Variants in AHRR observed in about 807,000 individuals in gnomAD.
AHRR encodes aryl hydrocarbon receptor repressor.
AHRR carries 28 observed loss-of-function variants against 44.0 expected under a neutral mutation model. That is an observed-to-expected ratio of 0.64 (90% CI 0.47 to 0.87). The LOEUF (loss-of-function observed/expected upper bound fraction) is 0.87, where lower values mean the gene tolerates loss of function less well. Ranked by LOEUF, AHRR falls within the 40% of genes least tolerant of loss-of-function variation. The pLI is 0.00. For synonymous variants in AHRR, 434 were observed against 407.0 expected (o/e 1.07, Z -0.80); for missense variants, 990 against 953.9 (o/e 1.04, Z -0.50).
intron 3 of AHRR, among the ~76,000 whole-genome samples, chr5:361,140 T>C (rs141351025): frequency 0.013 from 2,032 of 152,200 alleles, 60 homozygotes; most frequent in African/African-American, 0.047. Flanking sequence ...TCACAGCTAC[T>C]TGGGAGGCTG....
intron 3 of AHRR, among the ~76,000 whole-genome samples, chr5:365,302 G>A (rs1743318968): frequency 6.6e-6 from 1 of 152,160 alleles, no homozygotes; most frequent in Non-Finnish European, 1.5e-5. Context: ...GAAGAATAAT[G>A]AGGTGGGACC....
At chr5:423,693 C>T (rs1371558694) in intron 6 of AHRR, 148 bp from the exon 7 acceptor site, 8 of 1,127,594 alleles carry the variant, frequency 7.1e-6, no homozygotes, top group Non-Finnish European at 8.5e-6. Context: ...ATTTGAGTGA[C>T]ATCTAGAGGG....
rs544141550 is a variant in AHRR, at chr5:437,062, C to T, written c.*2228C>T. The stretch of plus-strand genomic sequence containing the variant: ...ATGGAAAGACCCTTAATAATTAGGC[C>T]TGCAGGCCAGGCGCAGTGGCTCATG... On this transcript the variant is annotated 3_prime_UTR_variant, in exon 11 of 11. Transcript: ENST00000684583. The T allele has an allele frequency of 6.6e-6, 1 of 152,518 alleles. No homozygotes were observed. The highest frequency in any genetic ancestry group is 1.5e-5 in the Non-Finnish European group (1 of 68,076). The allele number at this position is 152,518 out of a possible 1,614,324, so 9.4% of individuals were successfully genotyped here. A position where few individuals can be genotyped will look rare whatever the true frequency, so the allele number is the denominator to read the frequency against.
intron 4 of AHRR, among the ~76,000 whole-genome samples, chr5:399,967 G>A (rs930077377): frequency 1.3e-5 from 2 of 152,232 alleles, no homozygotes; most frequent in Non-Finnish European, 2.9e-5. Context: ...GCGCTGCCTC[G>A]CACGCACGCA....
intron 3 of AHRR, among the ~76,000 whole-genome samples, chr5:375,901 A>G (rs183081114): frequency 1.3e-5 from 2 of 152,294 alleles, no homozygotes; most frequent in Admixed American, 1.3e-4. Context: ...TTCTGCACCC[A>G]AAAATGGAGA....
intron 4 of AHRR, among the ~76,000 whole-genome samples, chr5:401,470 A>G (rs766620028): frequency 2.0e-5 from 3 of 152,188 alleles, no homozygotes; most frequent in Non-Finnish European, 4.4e-5. Context: ...CCTGACCTCC[A>G]TTGGCGCCAG....
At chr5:324,109 G>C (rs1741617516) in intron 1 of AHRR, among the ~76,000 whole-genome samples, 1 of 151,030 alleles carries the variant, frequency 6.6e-6, no homozygotes, top group African/African-American at 2.5e-5. Context: ...ACCCAGGCTG[G>C]AGTGCAATGG....
chr5:360,869 A>G (rs1180887193), intron 3 of AHRR, among the ~76,000 whole-genome samples: 1 of 152,200 alleles, frequency 6.6e-6, no homozygotes, highest in East Asian at 1.9e-4. Context: ...GAAACGTCAG[A>G]GGAGAGAGAT....
At chr5:425,106 T>C (rs1379118253) in intron 7 of AHRR, among the ~76,000 whole-genome samples, 1 of 152,226 alleles carries the variant, frequency 6.6e-6, no homozygotes, top group Non-Finnish European at 1.5e-5. Flanking sequence ...GGCTCAGCTT[T>C]CCACCCATTT....
At chr5:422,417 G>A in intron 5 of AHRR, 1 of 402,042 alleles carries the variant, frequency 2.5e-6, no homozygotes, top group South Asian at 2.2e-5. Context: ...ACAGGAAAGT[G>A]GATGTCTTGG....
At chr5:356,470 C>T (rs563296954) in intron 3 of AHRR, among the ~76,000 whole-genome samples, 3 of 151,330 alleles carry the variant, frequency 2.0e-5, no homozygotes, top group Non-Finnish European at 3.0e-5. Context: ...TGAGGAAGAG[C>T]GCCCGCGAGT....
At chr5:336,663 A>T (rs116379361) in intron 1 of AHRR, among the ~76,000 whole-genome samples, 24,798 of 151,908 alleles carry the variant, frequency 0.16, 4,362 homozygotes, top group African/African-American at 0.45. Context: ...CAATTTATCA[A>T]TTTTTTTCTC....
At chr5:343,587 G>T (rs535325889) in intron 1 of AHRR, 151 of 397,228 alleles carry the variant, frequency 3.8e-4, no homozygotes, top group Middle Eastern at 1.4e-3. Flanking sequence ...TCCTCAGGAC[G>T]CCGGTCTCCC....
At chr5:343,082 C>T (rs546837506) in intron 1 of AHRR, among the ~76,000 whole-genome samples, 7 of 152,288 alleles carry the variant, frequency 4.6e-5, no homozygotes, top group Admixed American at 1.3e-4. Context: ...TGCCACAAAC[C>T]GCACAGGGAG....
chr5:350,564 C>T (rs541964492), intron 2 of AHRR, among the ~76,000 whole-genome samples: 36 of 152,264 alleles, frequency 2.4e-4, no homozygotes, highest in East Asian at 7.7e-4. Context: ...ATCTCTCTGG[C>T]GCCCCCATTC....
At chr5:382,969 A>G (rs1190082799) in intron 4 of AHRR, among the ~76,000 whole-genome samples, 3 of 152,010 alleles carry the variant, frequency 2.0e-5, no homozygotes, top group African/African-American at 7.2e-5. Flanking sequence ...CTCCGTTTTC[A>G]TTTTCATTTA....
intron 1 of AHRR, among the ~76,000 whole-genome samples, chr5:333,334 G>A (rs1275628339): frequency 6.6e-6 from 1 of 152,176 alleles, no homozygotes; most frequent in Non-Finnish European, 1.5e-5. Context: ...GGTAGCTTAC[G>A]CCTGTAATCC....
At chr5:329,661 A>AT (rs1741845477) in intron 1 of AHRR, among the ~76,000 whole-genome samples, 1 of 152,034 alleles carries the variant, frequency 6.6e-6, no homozygotes, top group African/African-American at 2.4e-5. Flanking sequence ...GTCATCTACA[A>AT]TTTTCTTTCA....
intron 2 of AHRR, among the ~76,000 whole-genome samples, chr5:345,442 GT>G (rs1742622800): frequency 1.7e-5 from 2 of 117,194 alleles, no homozygotes; most frequent in Non-Finnish European, 3.4e-5. Flanking sequence ...GCGTGTGTGG[GT>G]GTGTGTGTGT....
Sources: gnomAD v4.1 joint callset for allele counts (sites outside exome capture counted in the v4.1 genomes callset) on GRCh38, gnomAD v4.1.1 for gene constraint, MANE v1.5 for transcripts, NCBI Gene and HGNC (gene_info 2026-07-23, HGNC 2026-07-21) for gene names.